Variants in UBE2H observed in about 807,000 individuals in gnomAD.
UBE2H encodes ubiquitin-conjugating enzyme E2 H.
In UBE2H, 3 loss-of-function variants were observed where a neutral mutation model predicts 29.0. The ratio of observed to expected loss-of-function variants is 0.10; its 90% CI spans 0.05 to 0.27. The LOEUF is 0.27. UBE2H is among the 10% of genes least tolerant of loss of function. The probability of loss-of-function intolerance (pLI) is 1.00; values close to 1 mark genes in which losing one functional copy is unlikely to be tolerated. For missense variants in UBE2H, 68 were observed against 228.2 expected (o/e 0.30, Z 4.52); for synonymous variants, 69 against 82.9 (o/e 0.83, Z 0.91).
intron 5 of UBE2H, among the ~76,000 whole-genome samples, chr7:129,855,028 C>T (rs937960859): frequency 3.3e-5 from 5 of 151,892 alleles, no homozygotes; most frequent in Admixed American, 6.6e-5. Context: ...TTGCCTAGGG[C>T]GAATAGTTAA....
intron 3 of UBE2H, among the ~76,000 whole-genome samples, chr7:129,873,445 T>TA (rs1430860423): frequency 1.4e-5 from 2 of 141,332 alleles, no homozygotes; most frequent in Admixed American, 7.1e-5. Flanking sequence ...TTTTTTTTTT[T>TA]AATTTCTTGA....
intron 5 of UBE2H, among the ~76,000 whole-genome samples, chr7:129,855,972 C>G (rs183107354): frequency 1.3e-5 from 2 of 152,114 alleles, no homozygotes; most frequent in Admixed American, 6.5e-5. Flanking sequence ...GGTGTGATTT[C>G]AGATGGAGTA....
intron 1 of UBE2H, among the ~76,000 whole-genome samples, chr7:129,903,068 T>C (rs539516780): frequency 6.6e-6 from 1 of 152,316 alleles, no homozygotes; most frequent in East Asian, 1.9e-4. Flanking sequence ...ACCTCAATAA[T>C]GCATATGCAA....
At chr7:129,867,784 A>T (rs374456447) in intron 3 of UBE2H, among the ~76,000 whole-genome samples, 5,291 of 125,994 alleles carry the variant, frequency 0.042, 147 homozygotes, top group South Asian at 0.13. Flanking sequence ...AATTAGATTA[A>T]AAAAAAAAAA....
intron 1 of UBE2H, among the ~76,000 whole-genome samples, chr7:129,905,202 AAAAG>A (rs1423397192): frequency 6.6e-6 from 1 of 151,854 alleles, no homozygotes; most frequent in African/African-American, 2.4e-5. Context: ...AGAAGAATGA[AAAAG>A]AAAGACTGGC....
intron 5 of UBE2H, among the ~76,000 whole-genome samples, chr7:129,856,721 A>G (rs80319061): frequency 0.064 from 9,680 of 152,262 alleles, 370 homozygotes; most frequent in Non-Finnish European, 0.091. Flanking sequence ...ATGGGTCCAC[A>G]CACAGTTTGA....
chr7:129,900,155 A>T (rs1437064270), intron 1 of UBE2H, among the ~76,000 whole-genome samples: 1 of 152,106 alleles, frequency 6.6e-6, no homozygotes, highest in African/African-American at 2.4e-5. Context: ...TAAAATAATA[A>T]AATAAATCTA....
At chr7:129,891,384 G>A (rs1008136019) in intron 1 of UBE2H, among the ~76,000 whole-genome samples, 8 of 151,972 alleles carry the variant, frequency 5.3e-5, no homozygotes, top group African/African-American at 1.7e-4. Context: ...TCTAAACAAA[G>A]GGGGAGGGGA....
chr7:129,916,267 GAA>G (rs886152476), intron 1 of UBE2H, among the ~76,000 whole-genome samples: 7 of 152,144 alleles, frequency 4.6e-5, no homozygotes, highest in Admixed American at 1.3e-4. Flanking sequence ...GGGTATCTAA[GAA>G]AAACAGGAAA....
At chr7:129,951,103 G>A (rs1304836371) in intron 1 of UBE2H, among the ~76,000 whole-genome samples, 1 of 152,068 alleles carries the variant, frequency 6.6e-6, no homozygotes, top group Non-Finnish European at 1.5e-5. Context: ...AAAATCTCTT[G>A]CCCAGACAAC....
intron 6 of UBE2H, among the ~76,000 whole-genome samples, chr7:129,838,251 G>A (rs1805366357): frequency 6.6e-6 from 1 of 152,138 alleles, no homozygotes; most frequent in South Asian, 2.1e-4. Flanking sequence ...TAGAGACCTT[G>A]GAAGAAGAAT....
chr7:129,950,955 C>T (rs1315487887), intron 1 of UBE2H, among the ~76,000 whole-genome samples: 2 of 152,062 alleles, frequency 1.3e-5, no homozygotes, highest in African/African-American at 2.4e-5. Flanking sequence ...TTAGTTGCTC[C>T]GCTCTAATCT....
intron 1 of UBE2H, among the ~76,000 whole-genome samples, chr7:129,934,050 A>G (rs1807464969): frequency 6.6e-6 from 1 of 152,184 alleles, no homozygotes; most frequent in African/African-American, 2.4e-5. Flanking sequence ...AGCCAGGCAC[A>G]GTCACTCATG....
intron 1 of UBE2H, among the ~76,000 whole-genome samples, chr7:129,927,926 T>C (rs1414302542): frequency 1.3e-5 from 2 of 151,430 alleles, no homozygotes; most frequent in Non-Finnish European, 2.9e-5. Flanking sequence ...CTGAGCGCAG[T>C]GGCTCACACC....
chr7:129,890,139 A>T (rs1806445068), intron 1 of UBE2H, among the ~76,000 whole-genome samples: 1 of 152,092 alleles, frequency 6.6e-6, no homozygotes, highest in Non-Finnish European at 1.5e-5. Flanking sequence ...TAGCTTAAAA[A>T]CAAATAAATT....
intron 5 of UBE2H, among the ~76,000 whole-genome samples, chr7:129,853,790 G>A (rs1162034445): frequency 6.6e-6 from 1 of 152,190 alleles, no homozygotes; most frequent in African/African-American, 2.4e-5. Context: ...TAACATGAAT[G>A]TTGTTTAATA....
chr7:129,839,641 A>C (rs1805390796), intron 5 of UBE2H: 6 of 277,308 alleles, frequency 2.2e-5, no homozygotes, highest in Non-Finnish European at 3.4e-5. Context: ...AGCTTACAAA[A>C]CCCCCCACTC....
At chr7:129,909,822 T>G (rs982278907) in intron 1 of UBE2H, among the ~76,000 whole-genome samples, 6 of 152,138 alleles carry the variant, frequency 3.9e-5, no homozygotes, top group African/African-American at 1.4e-4. Flanking sequence ...GACAAAGAGA[T>G]AAGACACAGA....
chr7:129,909,488 C>T (rs746274060), intron 1 of UBE2H, among the ~76,000 whole-genome samples: 15 of 152,160 alleles, frequency 9.9e-5, no homozygotes, highest in Admixed American at 2.6e-4. Context: ...ATTCTTTCTA[C>T]CAGACTCCAG....
Sources: allele counts gnomAD v4.1 joint callset (sites outside exome capture counted in the v4.1 genomes callset), GRCh38; gene constraint gnomAD v4.1.1; transcripts MANE v1.5; gene names NCBI Gene and HGNC (gene_info 2026-07-23, HGNC 2026-07-21).